C8orf89: variants seen among roughly 807,000 people sequenced by gnomAD.
C8orf89 encodes the protein chromosome 8 open reading frame 89.
In C8orf89, 14 loss-of-function variants were observed where a neutral mutation model predicts 15.8. That is an observed-to-expected ratio of 0.89 (90% confidence interval 0.59 to 1.39). C8orf89 has a LOEUF of 1.39. C8orf89 is among the 40% of genes most tolerant of loss of function. The probability of loss-of-function intolerance (pLI) is 0.00; values close to 1 mark genes in which losing one functional copy is unlikely to be tolerated. For missense variants in C8orf89, 181 were observed against 184.5 expected (o/e 0.98, Z 0.11); for synonymous variants, 55 against 62.2 (o/e 0.88, Z 0.54).
rs1813201447 is a variant in C8orf89 at position 73,249,504 on chromosome 8, T to TCAGATGTGAA, written c.337+763_337+764insTTCACATCTG. ...TTTCAGTGTGAATGGTACCAGCTCT[T>TCAGATGTGAA]TTTGTACATCTGGTAGAATTCAGCT... On this transcript the variant is annotated intron_variant, in intron 3 of 3. Transcript: ENST00000624510. Among the ~76,000 whole-genome samples, 4 of 152,142 alleles carry TCAGATGTGAA rather than the reference T, an allele frequency of 2.6e-5. No homozygotes were observed. In the South Asian group the frequency reaches 8.3e-4, roughly 31 times the overall value.
chr8:73,282,571 A>G, the C8orf89 span, among the ~76,000 whole-genome samples: 1 of 152,220 alleles, frequency 6.6e-6, no homozygotes, highest in African/African-American at 2.4e-5. Flanking sequence ...GATAAATTGG[A>G]TGAGATTACA....
the C8orf89 span, among the ~76,000 whole-genome samples, chr8:73,280,675 G>A: frequency 6.8e-6 from 1 of 147,626 alleles, no homozygotes; most frequent in Non-Finnish European, 1.5e-5. Flanking sequence ...CTCCTGGCCA[G>A]TAATTTATTT....
the C8orf89 span, chr8:73,277,616 G>A: frequency 2.6e-6 from 2 of 761,556 alleles, no homozygotes; most frequent in African/African-American, 1.7e-5. Context: ...TTCTGCCTTT[G>A]TGGACCATAG....
upstream of C8orf89, among the ~76,000 whole-genome samples, chr8:73,264,390 T>A (rs34984416): frequency 0.068 from 10,293 of 152,190 alleles, 344 homozygotes; most frequent in South Asian, 0.083. Context: ...AGCAGATGAA[T>A]CTGTAAGGGC....
chr8:73,270,703 C>T, the C8orf89 span, among the ~76,000 whole-genome samples: 3 of 152,122 alleles, frequency 2.0e-5, no homozygotes, highest in East Asian at 3.9e-4. Context: ...CCCAGGAGTT[C>T]GAGACCAGCC....
At chr8:73,256,104 T>C (rs1243684622) in intron 2 of C8orf89, among the ~76,000 whole-genome samples, 2 of 149,320 alleles carry the variant, frequency 1.3e-5, no homozygotes, top group Non-Finnish European at 3.0e-5. Flanking sequence ...AAACTTAAAG[T>C]ATAATAATAA....
the C8orf89 span, among the ~76,000 whole-genome samples, chr8:73,276,065 T>A: frequency 3.9e-5 from 6 of 152,152 alleles, no homozygotes; most frequent in Non-Finnish European, 7.3e-5. Flanking sequence ...CGCTCCCTTG[T>A]TTTATGAAGC....
chr8:73,275,393 C>T, the C8orf89 span, among the ~76,000 whole-genome samples: 1 of 151,974 alleles, frequency 6.6e-6, no homozygotes, highest in Non-Finnish European at 1.5e-5. Flanking sequence ...TGCCCCACCA[C>T]ACCTGGCTAA....
chr8:73,271,857 A>G, the C8orf89 span, among the ~76,000 whole-genome samples: 1 of 152,198 alleles, frequency 6.6e-6, no homozygotes, highest in East Asian at 1.9e-4. Flanking sequence ...GGTCCCTCCC[A>G]CAACATGTGG....
intron 2 of C8orf89, among the ~76,000 whole-genome samples, chr8:73,250,598 A>C (rs759432334): frequency 2.0e-5 from 3 of 152,176 alleles, no homozygotes; most frequent in Non-Finnish European, 4.4e-5. Flanking sequence ...GGAGGGAATC[A>C]AGATAAACAG....
intron 3 of C8orf89, among the ~76,000 whole-genome samples, chr8:73,244,730 T>G (rs1267238863): frequency 6.6e-6 from 1 of 152,170 alleles, no homozygotes; most frequent in Non-Finnish European, 1.5e-5. Flanking sequence ...CTTCTGTTCT[T>G]AGCAGTACAA....
chr8:73,244,331 C>T (rs934279190), intron 3 of C8orf89, among the ~76,000 whole-genome samples: 1 of 152,034 alleles, frequency 6.6e-6, no homozygotes, highest in African/African-American at 2.4e-5. Flanking sequence ...TTTAAAAAGA[C>T]AATTTAGGGA....
the C8orf89 span, among the ~76,000 whole-genome samples, chr8:73,280,737 A>G: frequency 4.0e-5 from 6 of 150,738 alleles, no homozygotes; most frequent in Non-Finnish European, 5.9e-5. Context: ...ATACACATAT[A>G]TATATACACA....
chr8:73,271,275 T>TCACC, the C8orf89 span, among the ~76,000 whole-genome samples: 42 of 152,280 alleles, frequency 2.8e-4, no homozygotes, highest in Non-Finnish European at 5.1e-4. Flanking sequence ...ACCCCCAGTG[T>TCACC]GGTGGTGTTG....
At chr8:73,264,639 C>T in the C8orf89 span, among the ~76,000 whole-genome samples, 1 of 152,082 alleles carries the variant, frequency 6.6e-6, no homozygotes, top group Non-Finnish European at 1.5e-5. Context: ...TACAGGTGCC[C>T]ACCACCACAC....
At chr8:73,253,245 G>A (rs1813289436) in intron 2 of C8orf89, among the ~76,000 whole-genome samples, 1 of 152,222 alleles carries the variant, frequency 6.6e-6, no homozygotes, top group African/African-American at 2.4e-5. Context: ...TACTAACTTA[G>A]AGATCCCTCT....
At position 73,251,777 on chromosome 8, in the gene C8orf89, T is replaced by A. The variant is rs1466204784; in HGVS notation, c.282-1454A>T. 3.3e-5 allele frequency among the ~76,000 whole-genome samples: 5 copies of A among 152,210 alleles called. 1 individual carries two copies. The highest frequency in any genetic ancestry group is 7.3e-5 in the Non-Finnish European group (5 of 68,036). On this transcript the variant is annotated intron_variant, in intron 2 of 3. Coordinates refer to ENST00000624510, the MANE Select transcript of C8orf89 (RefSeq NM_001243237.3). ...GGTATTTTCCAGGCTTCCAGTATCT[T>A]TGAGATGATCACGTGTATCGAAGGA... is the stretch of plus-strand genomic sequence containing the variant.
the C8orf89 span, among the ~76,000 whole-genome samples, chr8:73,280,983 T>C: frequency 6.6e-6 from 1 of 151,750 alleles, no homozygotes; most frequent in Non-Finnish European, 1.5e-5. Context: ...ATTAATAGAG[T>C]AAGATGGAGT....
upstream of C8orf89, among the ~76,000 whole-genome samples, chr8:73,261,696 A>C (rs1463760242): frequency 6.6e-6 from 1 of 152,208 alleles, no homozygotes; most frequent in East Asian, 1.9e-4. Context: ...TTGGCAGCTA[A>C]AAGTGAGGAT....
Sources: gnomAD v4.1 joint callset for allele counts (sites outside exome capture counted in the v4.1 genomes callset) on GRCh38, gnomAD v4.1.1 for gene constraint, MANE v1.5 for transcripts, NCBI Gene and HGNC (gene_info 2026-07-23, HGNC 2026-07-21) for gene names.